The following DTNBP1 variants were observed in gnomAD, a reference collection of about 807,000 sequenced individuals.
The protein encoded by DTNBP1 is dystrobrevin binding protein 1, also known as dysbindin.
In DTNBP1, 35 loss-of-function variants were observed where a neutral mutation model predicts 42.8. The observed-to-expected ratio is 0.82, with a 90% CI of 0.63 to 1.09. DTNBP1 has a LOEUF of 1.09. Ranked by LOEUF, DTNBP1 falls within the 50% of genes least tolerant of loss-of-function variation. The probability of loss-of-function intolerance (pLI) is 0.00; values close to 1 mark genes in which losing one functional copy is unlikely to be tolerated. For missense variants in DTNBP1, 457 were observed against 424.2 expected (o/e 1.08, Z -0.68); for synonymous variants, 171 against 162.2 (o/e 1.05, Z -0.41).
intron 7 of DTNBP1, among the ~76,000 whole-genome samples, chr6:15,575,865 A>G (rs1380578722): frequency 6.6e-6 from 1 of 152,194 alleles, no homozygotes; most frequent in Non-Finnish European, 1.5e-5. Flanking sequence ...GGTGAAGAGC[A>G]TAAAGAAATG....
intron 4 of DTNBP1, among the ~76,000 whole-genome samples, chr6:15,628,109 A>T (rs1759460791): frequency 6.6e-6 from 1 of 152,196 alleles, no homozygotes; most frequent in Non-Finnish European, 1.5e-5. Context: ...AGCCTAAGAT[A>T]ATTCTAACTT....
In DTNBP1 at chr6:15,637,806, T is replaced by TA. The variant is rs762195504; in HGVS notation, c.162-3dup. 35 of 1,611,556 alleles carry TA rather than the reference T, an allele frequency of 2.2e-5. No individual in the cohort carries two copies. The highest frequency in any genetic ancestry group is 2.8e-5 in the Non-Finnish European group (33 of 1,179,512). ...AGTGCAGCCCATGTATCCTCATACC[T>TA]AAAAAAAAGCAAAAAATAATTTGAA... On this transcript the variant is annotated splice_polypyrimidine_tract_variant and splice_region_variant and intron_variant, in intron 3 of 9. Coordinates refer to ENST00000344537, the MANE Select transcript of DTNBP1 (RefSeq NM_032122.5).
intron 7 of DTNBP1, among the ~76,000 whole-genome samples, chr6:15,534,088 G>A (rs1773060375): frequency 1.3e-5 from 2 of 152,206 alleles, no homozygotes; most frequent in Non-Finnish European, 2.9e-5. Flanking sequence ...TCGCGAAAAG[G>A]CAAATGCTGT....
At chr6:15,618,807 C>G (rs1198450455) in intron 5 of DTNBP1, among the ~76,000 whole-genome samples, 1 of 151,938 alleles carries the variant, frequency 6.6e-6, no homozygotes, top group Non-Finnish European at 1.5e-5. Context: ...ACACAATAGC[C>G]GAGATATGAA....
rs746751879 is a variant in DTNBP1, at chr6:15,524,222, A to G, written c.811+304T>C. 3 of 1,538,720 alleles carry G rather than the reference A, an allele frequency of 1.9e-6. No individual in the cohort carries two copies. In the Admixed American group the frequency reaches 5.7e-5, roughly 29 times the overall value. ...CCTGCAAACGCCAGTCCTTAACCACAAGGAGCAGACTCAAATGGATTTCTG... is the reference window on the plus strand; with the variant it reads ...CCTGCAAACGCCAGTCCTTAACCACGAGGAGCAGACTCAAATGGATTTCTG... On this transcript the variant is annotated intron_variant, in intron 9 of 9. Transcript: ENST00000344537.
intron 7 of DTNBP1, among the ~76,000 whole-genome samples, chr6:15,540,979 T>C (rs1032586200): frequency 1.6e-4 from 24 of 152,130 alleles, no homozygotes; most frequent in Non-Finnish European, 3.4e-4. Flanking sequence ...AAACAATCAC[T>C]GTTTTAAGTT....
intron 7 of DTNBP1, among the ~76,000 whole-genome samples, chr6:15,560,703 TG>T (rs1774796251): frequency 6.6e-6 from 1 of 152,212 alleles, no homozygotes; most frequent in African/African-American, 2.4e-5. Flanking sequence ...ATAGGGTTCT[TG>T]ACCTGTGGTA....
chr6:15,617,556 C>A (rs1031233894), intron 5 of DTNBP1, among the ~76,000 whole-genome samples: 25 of 151,434 alleles, frequency 1.7e-4, no homozygotes, highest in African/African-American at 5.1e-4. Context: ...CCCAGAAAAC[C>A]CACAAATAAA....
chr6:15,526,857 T>A (rs1772439641), intron 8 of DTNBP1, among the ~76,000 whole-genome samples: 1 of 152,184 alleles, frequency 6.6e-6, no homozygotes, highest in South Asian at 2.1e-4. Context: ...TAAGAAAAGC[T>A]TTCAGGAAAA....
chr6:15,559,950 A>G (rs1046049734), intron 7 of DTNBP1, among the ~76,000 whole-genome samples: 18 of 152,320 alleles, frequency 1.2e-4, no homozygotes, highest in African/African-American at 3.8e-4. Context: ...TTTTTATGCT[A>G]CAGGAATAAA....
At chr6:15,562,859 C>T (rs1297463281) in intron 7 of DTNBP1, among the ~76,000 whole-genome samples, 1 of 152,202 alleles carries the variant, frequency 6.6e-6, no homozygotes, top group Non-Finnish European at 1.5e-5. Context: ...GGCCAACAGC[C>T]TCCTACCTGG....
chr6:15,522,870 T>G lies in DTNBP1; in HGVS notation c.*105A>C. The G allele has an allele frequency of 1.3e-6, 2 of 1,585,292 alleles. No individual in the cohort carries two copies. Among genetic ancestry groups the G allele is most frequent in the Non-Finnish European group, 1.7e-6 (2 of 1,158,284 alleles). On this transcript the variant is annotated 3_prime_UTR_variant, in exon 10 of 10. Coordinates refer to ENST00000344537, the MANE Select transcript of DTNBP1 (RefSeq NM_032122.5). Reference sequence around the variant, plus strand: ...GTTTCTCACACATTATTGGCAATTATGTAAAAATCAAGAACCTCTATAAAA... The same window carrying G: ...GTTTCTCACACATTATTGGCAATTAGGTAAAAATCAAGAACCTCTATAAAA...
intron 1 of DTNBP1, chr6:15,660,404 C>T: frequency 4.7e-6 from 6 of 1,289,786 alleles, no homozygotes; most frequent in Non-Finnish European, 6.1e-6. Context: ...GAACATCAGG[C>T]ACTAGAGGTC....
Position 15,524,524 on chromosome 6 carries a change from A to G in DTNBP1, c.811+2T>C. 1 of 1,607,714 alleles carries G rather than the reference A, an allele frequency of 6.2e-7. No homozygotes were observed. The highest frequency in any genetic ancestry group is 8.5e-7 in the Non-Finnish European group (1 of 1,175,642). ...CAGCTAATGCAAGTTTGTCAACCCT[A>G]CCTAAGGCGGGGGACAGCACAGTGT... On this transcript the variant is annotated splice_donor_variant, in intron 9 of 9. Transcript: ENST00000344537. LOFTEE classifies it high-confidence loss of function.
chr6:15,584,262 A>G (rs1303872932), intron 7 of DTNBP1, among the ~76,000 whole-genome samples: 2 of 152,162 alleles, frequency 1.3e-5, no homozygotes, highest in African/African-American at 2.4e-5. Flanking sequence ...TAGATGAATG[A>G]TCTAAAATAT....
intron 5 of DTNBP1, among the ~76,000 whole-genome samples, chr6:15,622,786 G>C (rs923817053): frequency 1.3e-5 from 2 of 152,234 alleles, no homozygotes; most frequent in African/African-American, 4.8e-5. Context: ...GGCCGTCCCA[G>C]AGGAAAAGCA....
intron 5 of DTNBP1, among the ~76,000 whole-genome samples, chr6:15,619,658 T>TA (rs1286438754): frequency 4.0e-5 from 6 of 151,310 alleles, no homozygotes; most frequent in East Asian, 3.9e-4. Flanking sequence ...TAATATTAAG[T>TA]AAAAAAAAAT....
chr6:15,644,683 T>G (rs1183491143), intron 3 of DTNBP1, among the ~76,000 whole-genome samples: 1 of 152,098 alleles, frequency 6.6e-6, no homozygotes, highest in Admixed American at 6.6e-5. Flanking sequence ...GAATGACTTT[T>G]GGGTAAACAA....
chr6:15,558,359 C>T (rs1257046153), intron 7 of DTNBP1, among the ~76,000 whole-genome samples: 1 of 151,702 alleles, frequency 6.6e-6, no homozygotes, highest in Non-Finnish European at 1.5e-5. Context: ...CTCTGCCTCC[C>T]AGGTTCAAGT....
Sources: gnomAD v4.1 joint callset for allele counts (sites outside exome capture counted in the v4.1 genomes callset) on GRCh38, gnomAD v4.1.1 for gene constraint, MANE v1.5 for transcripts, NCBI Gene and HGNC (gene_info 2026-07-23, HGNC 2026-07-21) for gene names.